PCDHGB1: variants seen among roughly 807,000 people sequenced by gnomAD.
The protein encoded by PCDHGB1 is protocadherin gamma subfamily B, 1.
Under a neutral mutation model 56.6 loss-of-function variants are expected in PCDHGB1, and 34 were observed. The observed-to-expected ratio is 0.60, with a 90% CI of 0.46 to 0.80. PCDHGB1 has a LOEUF of 0.80. Ranked by LOEUF, PCDHGB1 falls within the 30% of genes least tolerant of loss-of-function variation. The pLI is 0.00. For synonymous variants in PCDHGB1, 561 were observed against 505.9 expected, an observed-to-expected ratio of 1.11 and a Z score of -1.46; for missense variants, 1,278 against 1,204.6, an observed-to-expected ratio of 1.06 and a Z score of -0.90.
intron 1 of PCDHGB1, chr5:141,356,597 CCA>C (rs1177164623): frequency 1.2e-6 from 2 of 1,614,034 alleles, no homozygotes; most frequent in East Asian, 4.5e-5. Context: ...GAAAACAACC[CCA>C]GAGGAGCCTC....
chr5:141,500,184 T>TTTTATTTATTTATTTATTTA (rs58019021), intron 2 of PCDHGB1, among the ~76,000 whole-genome samples: 1 of 135,886 alleles, frequency 7.4e-6, no homozygotes, highest in African/African-American at 2.7e-5. Flanking sequence ...TCATTTTTAT[T>TTTTATTTATTTATTTATTTA]TTTATTTATT....
intron 1 of PCDHGB1, chr5:141,360,475 CTAAA>C: frequency 6.2e-7 from 1 of 1,613,928 alleles, no homozygotes; most frequent in African/African-American, 1.3e-5. Flanking sequence ...TGAAAATCCA[CTAAA>C]TATTTTCTAC....
intron 1 of PCDHGB1, among the ~76,000 whole-genome samples, chr5:141,474,114 C>T (rs940809934): frequency 2.6e-5 from 4 of 152,224 alleles, no homozygotes; most frequent in South Asian, 2.1e-4. Context: ...ACAACAACAA[C>T]GAAAATCTCA....
At chr5:141,449,726 TTTTTTATGACATGATTA>T (rs2098653732) in intron 1 of PCDHGB1, among the ~76,000 whole-genome samples, 1 of 151,792 alleles carries the variant, frequency 6.6e-6, no homozygotes, top group Admixed American at 6.6e-5. Flanking sequence ...ATGATATGAT[TTTTTTATGACATGATTA>T]TTTTTATGAC....
intron 1 of PCDHGB1, chr5:141,408,214 C>G (rs1225368283): frequency 1.3e-6 from 2 of 1,555,192 alleles, no homozygotes; most frequent in Admixed American, 2.0e-5. Context: ...TGGGAGGGAG[C>G]TGCGCGCAGA....
chr5:141,479,568 G>A (rs553213095), intron 1 of PCDHGB1: 2 of 152,346 alleles, frequency 1.3e-5, no homozygotes, highest in East Asian at 3.9e-4. Context: ...GTAGTGGGAT[G>A]ACATCTGTGA....
At chr5:141,400,052 T>C in intron 1 of PCDHGB1, 1 of 1,613,686 alleles carries the variant, frequency 6.2e-7, no homozygotes, top group Non-Finnish European at 8.5e-7. Context: ...CTGGTTGCTG[T>C]GCGTGATGGT....
chr5:141,361,633 G>A (rs891072773), intron 1 of PCDHGB1: 1 of 1,613,904 alleles, frequency 6.2e-7, no homozygotes, highest in Non-Finnish European at 8.5e-7. Context: ...GAAGCCGCGG[G>A]AGATTTTATC....
intron 1 of PCDHGB1, chr5:141,394,133 G>T: frequency 6.2e-7 from 1 of 1,613,920 alleles, no homozygotes; most frequent in Non-Finnish European, 8.5e-7. Flanking sequence ...AAATCGCTCT[G>T]CACGTGGCAG....
intron 1 of PCDHGB1, chr5:141,479,217 A>G (rs1433108919): frequency 1.3e-5 from 2 of 152,400 alleles, no homozygotes; most frequent in Non-Finnish European, 2.9e-5. Context: ...TTAAAAAATT[A>G]AAACTATAAT....
At chr5:141,370,746 C>A in intron 1 of PCDHGB1, 1 of 1,613,906 alleles carries the variant, frequency 6.2e-7, no homozygotes, top group Non-Finnish European at 8.5e-7. Context: ...AAACTTTTTT[C>A]ATGTAACTGT....
intron 1 of PCDHGB1, chr5:141,374,038 T>C (rs1253900067): frequency 8.3e-6 from 12 of 1,449,244 alleles, no homozygotes; most frequent in South Asian, 1.6e-5. Context: ...GATGCAGATC[T>C]GTTCTTCCTC....
At chr5:141,433,220 T>C (rs781745522) in intron 1 of PCDHGB1, 1 of 1,509,734 alleles carries the variant, frequency 6.6e-7, no homozygotes, top group South Asian at 1.2e-5. Flanking sequence ...TTTTTTTTTT[T>C]AATTGCTCTG....
In PCDHGB1 at chr5:141,432,373, G is replaced by T; in HGVS notation, c.2410-62434G>T. ...TGAAAGTGATGGCGCGGGACAACGG[G>T]CACCCGCCCCTCAGCAGCAACGTGT... is the stretch of plus-strand genomic sequence containing the variant. On this transcript the variant is annotated intron_variant, in intron 1 of 3. Coordinates refer to ENST00000523390, the MANE Select transcript of PCDHGB1 (RefSeq NM_018922.3). This position sits in a 1 kb window ranked among gnomAD's most constrained non-coding sequence, Gnocchi z 6.0. The T allele has an allele frequency of 6.2e-7, 1 of 1,614,206 alleles. No homozygotes were observed. The highest frequency in any genetic ancestry group is 1.1e-5 in the South Asian group (1 of 91,082).
chr5:141,428,546 A>C (rs1476382847), intron 1 of PCDHGB1: 1 of 263,642 alleles, frequency 3.8e-6, no homozygotes, highest in Non-Finnish European at 7.5e-6. Flanking sequence ...ATGACACCAG[A>C]AACAGTCCCC....
At chr5:141,439,496 G>A (rs1166315364) in intron 1 of PCDHGB1, among the ~76,000 whole-genome samples, 2 of 152,152 alleles carry the variant, frequency 1.3e-5, no homozygotes, top group Non-Finnish European at 2.9e-5. Context: ...AGTGAGAAAC[G>A]TCTTTCTCTC....
At chr5:141,385,182 G>C (rs374159387) in intron 1 of PCDHGB1, 1 of 1,614,138 alleles carries the variant, frequency 6.2e-7, no homozygotes, top group African/African-American at 1.3e-5. Context: ...CCCTCACCGC[G>C]GACTCTCGGA....
intron 1 of PCDHGB1, chr5:141,372,032 G>A (rs1177751501): frequency 1.2e-6 from 2 of 1,613,340 alleles, no homozygotes; most frequent in Non-Finnish European, 1.7e-6. Context: ...GCGCCAACGT[G>A]AGCCTGCGCG....
chr5:141,393,879 G>A, intron 1 of PCDHGB1: 1 of 1,614,010 alleles, frequency 6.2e-7, no homozygotes, highest in Non-Finnish European at 8.5e-7. Context: ...GTTTAGCCCA[G>A]TGTTAGAAAA....
Sources: allele counts gnomAD v4.1 joint callset (sites outside exome capture counted in the v4.1 genomes callset), GRCh38; gene constraint gnomAD v4.1.1; non-coding constraint Gnocchi (gnomAD v3.1); transcripts MANE v1.5; gene names NCBI Gene and HGNC (gene_info 2026-07-23, HGNC 2026-07-21).